JADE1: variants seen among roughly 807,000 people sequenced by gnomAD.
JADE1 encodes jade family PHD finger 1.
JADE1 carries 14 observed loss-of-function variants against 81.8 expected under a neutral mutation model. That is an observed-to-expected ratio of 0.17 (90% CI 0.11 to 0.27). The LOEUF is 0.27. Ranked by LOEUF, JADE1 falls within the 10% of genes least tolerant of loss-of-function variation. The pLI, the probability that JADE1 is intolerant of heterozygous loss-of-function variation, is 1.00. For synonymous variants in JADE1, 353 were observed against 391.9 expected, an observed-to-expected ratio of 0.90 and a Z score of 1.17; for missense variants, 690 against 1,047.9, an observed-to-expected ratio of 0.66 and a Z score of 4.71.
intron 1 of JADE1, among the ~76,000 whole-genome samples, chr4:128,820,403 C>T (rs546882567): frequency 2.2e-4 from 33 of 152,146 alleles, no homozygotes; most frequent in African/African-American, 5.1e-4. Flanking sequence ...TGAGCCACCA[C>T]GCCTGGCTTT....
In JADE1 at chr4:128,831,746, T is replaced by A. The variant is rs768233090; in HGVS notation, c.-13T>A. On this transcript the variant is annotated 5_prime_UTR_variant, in exon 2 of 11. Transcript: ENST00000226319. ...ATTGCTTTGCAGGCTGCCTGCTGTT[T>A]CCCGGGGAGATCATGAAACGAGGTC... 2.5e-6 allele frequency: 4 copies of A among 1,614,184 alleles called. 1 individual carries two copies. The highest frequency in any genetic ancestry group is 1.6e-4 in the Middle Eastern group (1 of 6,062).
chr4:128,846,294 C>G lies in JADE1; in HGVS notation c.139-81C>G, dbSNP rs577891020. On this transcript the variant is annotated intron_variant, in intron 3 of 10. Transcript: ENST00000226319. This position sits in a 1 kb window ranked among gnomAD's most constrained non-coding sequence, Gnocchi z 4.0. Reference sequence around the variant, plus strand: ...ACAGTGACCTTGTTACATGGCAGCTCCATGGTTACATTGCAGCTGCCAGCA... The same window carrying G: ...ACAGTGACCTTGTTACATGGCAGCTGCATGGTTACATTGCAGCTGCCAGCA... 3.1e-5 allele frequency: 42 copies of G among 1,354,476 alleles called. No homozygotes were observed. The African/African-American group carries it at 5.6e-4, about 18-fold the overall frequency. The allele number at this position is 1,354,476 out of a possible 1,614,324, so 83.9% of individuals were successfully genotyped here. A position where few individuals can be genotyped will look rare whatever the true frequency, so the allele number is the denominator to read the frequency against.
rs1043999560 is a variant in JADE1, at chr4:128,843,183, A to G, written c.138+145A>G. 11 of 631,170 alleles carry G rather than the reference A, an allele frequency of 1.7e-5. No homozygotes were observed. The African/African-American group carries it at 1.8e-4, about 11-fold the overall frequency. 39.1% of individuals were successfully genotyped at this position (631,170 alleles called of 1,614,324 possible). On this transcript the variant is annotated intron_variant, in intron 3 of 10. Coordinates refer to ENST00000226319, the MANE Select transcript of JADE1 (RefSeq NM_199320.4). ...AAATCTGTAAGACGGGGAGAACACA[A>G]GTGTCTACCTCATAGGATTGTTGTG...
chr4:128,814,919 A>G (rs1345877867), intron 1 of JADE1, among the ~76,000 whole-genome samples: 4 of 151,810 alleles, frequency 2.6e-5, no homozygotes, highest in African/African-American at 9.7e-5. Flanking sequence ...ATAATCTATT[A>G]CTGTAACATG....
intron 1 of JADE1, among the ~76,000 whole-genome samples, chr4:128,831,003 A>G (rs913491524): frequency 6.6e-6 from 1 of 152,158 alleles, no homozygotes; most frequent in Non-Finnish European, 1.5e-5. Flanking sequence ...AAGGGAGCTG[A>G]GGTGAAGTGG....
At chr4:128,859,579 G>A (rs1051166163) in intron 8 of JADE1, among the ~76,000 whole-genome samples, 1 of 152,122 alleles carries the variant, frequency 6.6e-6, no homozygotes, top group Non-Finnish European at 1.5e-5. Context: ...ATGCGTGTAT[G>A]TGTGAGTGTG....
chr4:128,848,841 G>A, intron 4 of JADE1, 139 bp from the exon 5 acceptor site: 2 of 741,616 alleles, frequency 2.7e-6, no homozygotes, highest in Non-Finnish European at 4.6e-6. Flanking sequence ...TTTATTAGCA[G>A]TGACATTCAG....
chr4:128,817,866 G>T (rs185705295), intron 1 of JADE1, among the ~76,000 whole-genome samples: 1 of 152,284 alleles, frequency 6.6e-6, no homozygotes, highest in East Asian at 1.9e-4. Context: ...ATTTCTCTGT[G>T]ATCCTTTTAC....
intron 5 of JADE1, among the ~76,000 whole-genome samples, chr4:128,851,328 G>A (rs1233182301): frequency 6.6e-6 from 1 of 152,184 alleles, no homozygotes; most frequent in African/African-American, 2.4e-5. Flanking sequence ...AGTGAAATCT[G>A]TTTTGAGAGA....
intron 6 of JADE1, 43 bp downstream of exon 6, chr4:128,852,311 G>A: frequency 6.6e-7 from 1 of 1,517,588 alleles, no homozygotes; most frequent in Non-Finnish European, 9.1e-7. Flanking sequence ...CCTGGGGCAT[G>A]AGCCTGTCTG....
chr4:128,863,207 C>G lies in JADE1; in HGVS notation c.1503+982C>G, dbSNP rs1014607512. 8 of 985,448 alleles carry G rather than the reference C, an allele frequency of 8.1e-6. No homozygotes were observed. In the African/African-American group the frequency reaches 1.4e-4, roughly 17 times the overall value. The allele number at this position is 985,448 out of a possible 1,614,324, so 61.0% of individuals were successfully genotyped here. On this transcript the variant is annotated intron_variant, in intron 9 of 10. Coordinates refer to ENST00000226319, the MANE Select transcript of JADE1 (RefSeq NM_199320.4). The stretch of plus-strand genomic sequence containing the variant: ...TGCTACAGGAATAATGAGGCGTGGG[C>G]TGCCTCCCGCTAGGGCCTCCTGCTC...
At chr4:128,810,613 A>G (rs1726261114) in intron 1 of JADE1, among the ~76,000 whole-genome samples, 1 of 151,528 alleles carries the variant, frequency 6.6e-6, no homozygotes, top group African/African-American at 2.4e-5. Context: ...GTGGGACTGT[A>G]TTTGTCCAAA....
At chr4:128,831,518 T>C in intron 1 of JADE1, 1 of 545,612 alleles carries the variant, frequency 1.8e-6, no homozygotes, top group Admixed American at 3.4e-5. Flanking sequence ...TACTGATATG[T>C]GACTTCTCCA....
chr4:128,849,528 G>T (rs1236965533), intron 5 of JADE1, among the ~76,000 whole-genome samples: 3 of 152,136 alleles, frequency 2.0e-5, no homozygotes, highest in Non-Finnish European at 4.4e-5. Flanking sequence ...GATGCCATTC[G>T]GATTCCTTCT....
At chr4:128,839,465 A>G (rs1729247571) in intron 2 of JADE1, among the ~76,000 whole-genome samples, 1 of 152,236 alleles carries the variant, frequency 6.6e-6, no homozygotes, top group Non-Finnish European at 1.5e-5. Flanking sequence ...ACATACAGTG[A>G]GCCTCTGAGC....
chr4:128,842,900 T>C, intron 2 of JADE1, 53 bp from the exon 3 acceptor site: 2 of 1,521,260 alleles, frequency 1.3e-6, no homozygotes, highest in Non-Finnish European at 9.1e-7. Context: ...CTGAGAACAC[T>C]CAGTGACCCC....
At chr4:128,854,081 AT>A (rs1730593425) in intron 6 of JADE1, among the ~76,000 whole-genome samples, 1 of 151,620 alleles carries the variant, frequency 6.6e-6, no homozygotes, top group Admixed American at 6.6e-5. Flanking sequence ...TTTACTTGCT[AT>A]TTTTTTCCCC....
intron 1 of JADE1, among the ~76,000 whole-genome samples, chr4:128,810,824 T>C (rs1337590610): frequency 2.0e-5 from 3 of 152,102 alleles, no homozygotes; most frequent in Non-Finnish European, 4.4e-5. Context: ...ACAGCGCGAC[T>C]GCTTGTAAAG....
At chr4:128,841,689 G>T (rs1331476679) in intron 2 of JADE1, among the ~76,000 whole-genome samples, 1 of 152,178 alleles carries the variant, frequency 6.6e-6, no homozygotes, top group Non-Finnish European at 1.5e-5. Context: ...GTTAGTCTGG[G>T]AATGTAGGTC....
Sources: allele counts gnomAD v4.1 joint callset (sites outside exome capture counted in the v4.1 genomes callset), GRCh38; gene constraint gnomAD v4.1.1; non-coding constraint Gnocchi (gnomAD v3.1); transcripts MANE v1.5; gene names NCBI Gene and HGNC (gene_info 2026-07-23, HGNC 2026-07-21).